MMS22L: variants seen among roughly 807,000 people sequenced by gnomAD.
MMS22L encodes the protein MMS22 like, DNA repair protein.
MMS22L carries 74 observed loss-of-function variants against 159.1 expected under a neutral mutation model. The ratio of observed to expected loss-of-function variants is 0.47; its 90% CI spans 0.39 to 0.56. The LOEUF (loss-of-function observed/expected upper bound fraction) is 0.56. Ranked by LOEUF, MMS22L falls within the 20% of genes least tolerant of loss-of-function variation. The probability of loss-of-function intolerance (pLI) is 0.00; values close to 1 mark genes in which losing one functional copy is unlikely to be tolerated. For missense variants in MMS22L, 1,351 were observed against 1,422.1 expected (o/e 0.95, Z 0.80); for synonymous variants, 517 against 506.9 (o/e 1.02, Z -0.27).
Position 97,200,803 on chromosome 6 carries a change from TAA to T in MMS22L, c.2040-14115_2040-14114del, listed in dbSNP as rs1259903452. ...ATGGAAAGATACTTGCTTACACTGATAAAAGAGTAGGGCTTTGTTACCATCCT... is the reference window on the plus strand; with the variant it reads ...ATGGAAAGATACTTGCTTACACTGATAAGAGTAGGGCTTTGTTACCATCCT... On this transcript the variant is annotated intron_variant, in intron 14 of 24. Transcript: ENST00000683635. Among the ~76,000 whole-genome samples the T allele has an allele frequency of 3.3e-5, 5 of 152,186 alleles. No homozygotes were observed. The East Asian group carries it at 5.8e-4, about 18-fold the overall frequency.
At chr6:97,278,129 T>G (rs894499612) in intron 4 of MMS22L, among the ~76,000 whole-genome samples, 2 of 152,104 alleles carry the variant, frequency 1.3e-5, no homozygotes, top group Non-Finnish European at 2.9e-5. Flanking sequence ...TAGCTATACA[T>G]GCGGTGGCTC....
At chr6:97,148,388 G>A (rs1184515082) in intron 24 of MMS22L, among the ~76,000 whole-genome samples, 1 of 152,050 alleles carries the variant, frequency 6.6e-6, no homozygotes, top group Non-Finnish European at 1.5e-5. Flanking sequence ...AGGTCCTTCA[G>A]GAGGTATTCC....
At chr6:97,275,995 C>A (rs1816207356) in intron 4 of MMS22L, among the ~76,000 whole-genome samples, 1 of 151,982 alleles carries the variant, frequency 6.6e-6, no homozygotes, top group South Asian at 2.1e-4. Context: ...TGGAGTGAGA[C>A]CCTGTCTTGA....
intron 18 of MMS22L, among the ~76,000 whole-genome samples, chr6:97,176,319 C>G (rs1397707486): frequency 6.6e-6 from 1 of 151,996 alleles, no homozygotes; most frequent in Non-Finnish European, 1.5e-5. Context: ...GTGCCTTAGA[C>G]TTCTCAATAT....
chr6:97,279,659 A>G (rs894772503), intron 3 of MMS22L, among the ~76,000 whole-genome samples: 6 of 149,892 alleles, frequency 4.0e-5, no homozygotes, highest in Non-Finnish European at 1.5e-5. Flanking sequence ...TGGTGGGGGG[A>G]CCCTGTAATC....
At position 97,151,416 on chromosome 6, in the gene MMS22L, C is replaced by G. The variant is rs147001856; in HGVS notation, c.3482+355G>C. 2.0e-5 allele frequency among the ~76,000 whole-genome samples: 3 copies of G among 152,206 alleles called. No homozygotes were observed. The East Asian group carries it at 5.8e-4, about 29-fold the overall frequency. On this transcript the variant is annotated intron_variant, in intron 23 of 24. Coordinates refer to ENST00000683635, the MANE Select transcript of MMS22L (RefSeq NM_001350599.2). ...CTTAGGTGCAGAGTGGGCTATAGCA[C>G]CTAGGTTTGTATAAGTACACTCTAT...
chr6:97,194,370 C>T (rs563117433), intron 14 of MMS22L, among the ~76,000 whole-genome samples: 12 of 152,090 alleles, frequency 7.9e-5, no homozygotes, highest in Non-Finnish European at 1.5e-4. Flanking sequence ...GTCTACATTT[C>T]TACCAGGCAG....
chr6:97,198,342 C>T lies in MMS22L; in HGVS notation c.2040-11652G>A, dbSNP rs370173186. Among the ~76,000 whole-genome samples, 22 of 152,252 alleles carry T rather than the reference C, an allele frequency of 1.4e-4. No homozygotes were observed. The East Asian group carries it at 3.9e-3, about 27-fold the overall frequency. ...TCTAGTCTCGGCCTTTAGTTACTCA[C>T]AGACATTGAATTAGAGTTACTTCCA... On this transcript the variant is annotated intron_variant, in intron 14 of 24. Transcript: ENST00000683635.
In MMS22L at chr6:97,282,343, T is replaced by C; in HGVS notation, c.135A>G (p.Glu45=). The part of the protein sequence containing the change: ...NRGGGKHFSG[E]SYLCSGALKR... ...TAAGGGCTCCGCTGCAGAGGTAGGA[T>C]TCTCCAGAAAAATGTTTTCCTCCTC... Residue 45 remains glutamate, a synonymous_variant, in exon 2 of 25, where the codon GAA becomes GAG. Transcript: ENST00000683635. The C allele has an allele frequency of 1.2e-6, 2 of 1,613,952 alleles. No individual in the cohort carries two copies. The highest frequency in any genetic ancestry group is 1.7e-6 in the Non-Finnish European group (2 of 1,179,940).
intron 9 of MMS22L, among the ~76,000 whole-genome samples, chr6:97,258,496 T>C (rs949015697): frequency 7.9e-5 from 12 of 152,144 alleles, no homozygotes; most frequent in Non-Finnish European, 1.8e-4. Context: ...AGGTAGGAAA[T>C]GGAGGTATGC....
In MMS22L at chr6:97,146,369, G is replaced by A. The variant is rs531804472; in HGVS notation, c.*437C>T. 6.5e-6 allele frequency: 1 copy of A among 153,248 alleles called. No homozygotes were observed. Among genetic ancestry groups the A allele is most frequent in the South Asian group, 2.0e-4 (1 of 4,886 alleles). 9.5% of individuals were successfully genotyped at this position (153,248 alleles called of 1,614,324 possible). On this transcript the variant is annotated 3_prime_UTR_variant, in exon 25 of 25. Transcript: ENST00000683635. ...TTCCCCCACCAAAAACACAGTATAG[G>A]GTAGCCAGGTACTTTGAAAAAGTAT...
upstream of MMS22L, chr6:97,283,495 G>T (rs1252256405): frequency 6.6e-6 from 1 of 152,138 alleles, no homozygotes; most frequent in East Asian, 1.9e-4. Context: ...CAGTGAGTGC[G>T]AAGTGAGTGC....
chr6:97,225,402 G>A (rs1002197448), intron 14 of MMS22L, among the ~76,000 whole-genome samples: 1 of 150,332 alleles, frequency 6.7e-6, no homozygotes, highest in African/African-American at 2.5e-5. Context: ...AGACGGAGTC[G>A]TGCAGTGGCG....
Position 97,272,780 on chromosome 6 carries a change from A to C in MMS22L, c.530T>G (p.Leu177Ter). ...PSVLIDELHGLLLYIGHLSEL... is the reference protein window; with the variant it reads ...PSVLIDELHG ...AGATAGGTGTCCAATATACAAGAGT[A>C]ATCCATGAAGCTCATCAATCAACAC... The change falls in exon 6 of 25, where the codon TTA becomes TGA. Residue 177 changes from leucine (L) to a stop codon, truncating the protein, a stop_gained. Coordinates refer to ENST00000683635, the MANE Select transcript of MMS22L (RefSeq NM_001350599.2). LOFTEE classifies it high-confidence loss of function. 6.2e-7 allele frequency: 1 copy of C among 1,614,094 alleles called. No individual in the cohort carries two copies. Among genetic ancestry groups the C allele is most frequent in the Non-Finnish European group, 8.5e-7 (1 of 1,179,940 alleles).
chr6:97,163,197 C>T (rs1228885177), intron 21 of MMS22L, among the ~76,000 whole-genome samples: 1 of 151,772 alleles, frequency 6.6e-6, no homozygotes, highest in East Asian at 1.9e-4. Flanking sequence ...TGTCTAAGAA[C>T]AAGAATATAA....
At chr6:97,204,658 G>A (rs1201719876) in intron 14 of MMS22L, among the ~76,000 whole-genome samples, 1 of 151,840 alleles carries the variant, frequency 6.6e-6, no homozygotes, top group Non-Finnish European at 1.5e-5. Context: ...GGGTGGGCAT[G>A]GTGGCATGCA....
At chr6:97,270,460 A>G in intron 6 of MMS22L, 1 of 305,824 alleles carries the variant, frequency 3.3e-6, no homozygotes, top group South Asian at 2.8e-5. Context: ...CAGAAGTTAA[A>G]AGAGGTGAAA....
chr6:97,185,638 T>G (rs1439659600), intron 15 of MMS22L, among the ~76,000 whole-genome samples: 4 of 152,164 alleles, frequency 2.6e-5, no homozygotes, highest in Non-Finnish European at 4.4e-5. Flanking sequence ...AAAGTCCTAA[T>G]TATAGAAGTG....
At chr6:97,160,527 C>A (rs1392922241) in intron 22 of MMS22L, among the ~76,000 whole-genome samples, 1 of 151,854 alleles carries the variant, frequency 6.6e-6, no homozygotes, top group African/African-American at 2.4e-5. Flanking sequence ...CTGGCTACTT[C>A]CAAGATTTTC....
Sources: allele counts gnomAD v4.1 joint callset (sites outside exome capture counted in the v4.1 genomes callset), GRCh38; gene constraint gnomAD v4.1.1; transcripts MANE v1.5; gene names NCBI Gene and HGNC (gene_info 2026-07-23, HGNC 2026-07-21).